The following PCDH11Y variants were observed in gnomAD, a reference collection of about 807,000 sequenced individuals.
The protein encoded by PCDH11Y is protocadherin 11 Y-linked.
For missense variants in PCDH11Y, 12 were observed against 224.8 expected (o/e 0.05, Z 6.05); for synonymous variants, 9 against 83.6 (o/e 0.11, Z 4.87).
intron 3 of PCDH11Y, among the ~76,000 whole-genome samples, chrY:5,557,233 G>A (rs2053423642): frequency 3.0e-5 from 1 of 33,198 alleles, no homozygotes; most frequent in African/African-American, 1.2e-4. Flanking sequence ...TAGAAATAGT[G>A]TTGAATCTGT....
chrY:5,027,561 A>C, intron 1 of PCDH11Y, among the ~76,000 whole-genome samples: 3 of 16,122 alleles, frequency 1.9e-4, no homozygotes, highest in African/African-American at 3.2e-4. Flanking sequence ...GTTTTGATCT[A>C]TTTATAATGA....
intron 4 of PCDH11Y, among the ~76,000 whole-genome samples, chrY:5,592,566 G>C: frequency 3.3e-5 from 1 of 30,146 alleles, no homozygotes; most frequent in Non-Finnish European, 7.9e-5. Context: ...TCATCATCAT[G>C]TTAGCTGGTT....
chrY:5,136,344 T>A, intron 2 of PCDH11Y, among the ~76,000 whole-genome samples: 2 of 32,031 alleles, frequency 6.2e-5, no homozygotes, highest in Admixed American at 5.7e-4. Context: ...AGGCCTTAAG[T>A]TTCATACCTC....
chrY:5,403,640 A>G, intron 2 of PCDH11Y, among the ~76,000 whole-genome samples: 2 of 33,005 alleles, frequency 6.1e-5, no homozygotes, highest in African/African-American at 1.2e-4. Flanking sequence ...ATGAGGCTCA[A>G]TTATTCCAAC....
intron 1 of PCDH11Y, among the ~76,000 whole-genome samples, chrY:5,027,242 C>A (rs2052580385): frequency 3.2e-5 from 1 of 31,244 alleles, no homozygotes; most frequent in African/African-American, 1.3e-4. Flanking sequence ...TGCACTCTAT[C>A]CTGGGTGGCA....
chrY:5,360,330 C>CGTGT (rs554505426), intron 2 of PCDH11Y, among the ~76,000 whole-genome samples: 18 of 23,616 alleles, frequency 7.6e-4, no homozygotes, highest in Admixed American at 2.1e-3. Context: ...GAAGTGTGTG[C>CGTGT]GTGTGTGTGT....
intron 2 of PCDH11Y, among the ~76,000 whole-genome samples, chrY:5,304,161 T>TAA (rs4030617): frequency 1.8e-4 from 5 of 28,284 alleles, no homozygotes; most frequent in South Asian, 1.7e-3. Flanking sequence ...TTTTCTAAAG[T>TAA]AAAAAAAAAA....
At chrY:5,591,466 TA>T (rs2053461555) in intron 4 of PCDH11Y, among the ~76,000 whole-genome samples, 9 of 28,824 alleles carry the variant, frequency 3.1e-4, no homozygotes, top group East Asian at 2.7e-3. Context: ...TTTCACTAAT[TA>T]AAAAAAAAAA....
At chrY:5,369,531 A>G (rs2053185529) in intron 2 of PCDH11Y, among the ~76,000 whole-genome samples, 6 of 32,823 alleles carry the variant, frequency 1.8e-4, no homozygotes, top group African/African-American at 7.2e-4. Context: ...GTATGTCTTT[A>G]TCACCCAATA....
chrY:5,741,717 G>A, exon 5 of PCDH11Y: 1 of 31,256 alleles, frequency 3.2e-5, no homozygotes, highest in African/African-American at 1.2e-4. Context: ...TACCACACCA[G>A]ATCAATTTTA....
At chrY:5,228,081 G>T in intron 2 of PCDH11Y, among the ~76,000 whole-genome samples, 1 of 26,244 alleles carries the variant, frequency 3.8e-5, no homozygotes, top group Non-Finnish European at 8.9e-5. Context: ...TTTGATGGGA[G>T]AGTTTTTATT....
chrY:5,147,313 G>A (rs2052858121), intron 2 of PCDH11Y, among the ~76,000 whole-genome samples: 1 of 32,340 alleles, frequency 3.1e-5, no homozygotes, highest in African/African-American at 1.2e-4. Flanking sequence ...AATACCACAT[G>A]TTCTCACTTA....
chrY:5,574,175 G>T (rs2053443415), intron 3 of PCDH11Y: 1 of 245,493 alleles, frequency 4.1e-6, no homozygotes, highest in Non-Finnish European at 6.5e-6. Flanking sequence ...TGCACCTGGA[G>T]TCAGAGCTGG....
intron 2 of PCDH11Y, among the ~76,000 whole-genome samples, chrY:5,490,881 G>T: frequency 2.9e-5 from 1 of 34,217 alleles, no homozygotes; most frequent in Non-Finnish European, 7.3e-5. Flanking sequence ...TTGGAGCAAA[G>T]TTGAGGCCAA....
intron 1 of PCDH11Y, chrY:5,031,030 TG>T (rs2052589411): frequency 3.8e-5 from 1 of 26,121 alleles, no homozygotes; most frequent in Non-Finnish European, 9.1e-5. Context: ...GAAGTATCTC[TG>T]AACTGTGCTG....
At chrY:5,226,954 A>AT (rs2052961505) in intron 2 of PCDH11Y, among the ~76,000 whole-genome samples, 32 of 29,670 alleles carry the variant, frequency 1.1e-3, no homozygotes, top group African/African-American at 4.1e-3. Flanking sequence ...TAATTTTAGG[A>AT]TTTTTTTTTT....
intron 2 of PCDH11Y, among the ~76,000 whole-genome samples, chrY:5,427,481 A>G (rs2053264735): frequency 3.0e-5 from 1 of 32,865 alleles, no homozygotes; most frequent in African/African-American, 1.2e-4. Flanking sequence ...ATTGCAATGT[A>G]CTATACCTGA....
At chrY:5,647,433 A>C in intron 4 of PCDH11Y, among the ~76,000 whole-genome samples, 1 of 34,180 alleles carries the variant, frequency 2.9e-5, no homozygotes, top group East Asian at 7.7e-4. Context: ...AATTATATGC[A>C]CACACACATA....
chrY:5,599,024 C>A, intron 4 of PCDH11Y, among the ~76,000 whole-genome samples: 1 of 32,222 alleles, frequency 3.1e-5, no homozygotes, highest in African/African-American at 1.2e-4. Flanking sequence ...TCTGGGACTG[C>A]CTTTCCTTGT....
Sources: allele counts gnomAD v4.1 joint callset (sites outside exome capture counted in the v4.1 genomes callset), GRCh38; gene constraint gnomAD v4.1.1; transcripts MANE v1.5; gene names NCBI Gene and HGNC (gene_info 2026-07-23, HGNC 2026-07-21).